Variants in ATAD5 observed in about 807,000 individuals in gnomAD.
ATAD5 encodes the protein ATPase family AAA domain containing 5, also known as ATPase family AAA domain-containing protein 5.
A neutral mutation model predicts 176.9 loss-of-function variants in ATAD5; 58 were observed. The observed-to-expected ratio is 0.33, with a 90% CI of 0.27 to 0.41. ATAD5 has a LOEUF of 0.41. Among genes scored for constraint, ATAD5 ranks in the 10% least tolerant of loss-of-function variants. The pLI is 1.00. For synonymous variants in ATAD5, 640 were observed against 712.6 expected, an observed-to-expected ratio of 0.90 and a Z score of 1.62; for missense variants, 1,789 against 2,094.1, an observed-to-expected ratio of 0.85 and a Z score of 2.84.
At chr17:30,864,556 G>T (rs980064890) in intron 10 of ATAD5, 3 of 152,084 alleles carry the variant, frequency 2.0e-5, no homozygotes, top group African/African-American at 7.3e-5. Flanking sequence ...AAGAGACAGG[G>T]TCACACTATG....
intron 6 of ATAD5, among the ~76,000 whole-genome samples, chr17:30,848,668 T>C (rs1296831596): frequency 6.6e-6 from 1 of 152,162 alleles, no homozygotes; most frequent in Non-Finnish European, 1.5e-5. Flanking sequence ...CTCAGACTTG[T>C]CATGCTCTTT....
chr17:30,885,887 A>G (rs1909298163), intron 18 of ATAD5, among the ~76,000 whole-genome samples: 1 of 151,910 alleles, frequency 6.6e-6, no homozygotes, highest in Non-Finnish European at 1.5e-5. Context: ...AAGTGCTGGG[A>G]TTACATGCGT....
At chr17:30,860,315 C>T in intron 9 of ATAD5, 118 bp from the exon 10 acceptor site, 1 of 1,183,488 alleles carries the variant, frequency 8.4e-7, no homozygotes, top group African/African-American at 1.6e-5. Flanking sequence ...TGAGCCACTG[C>T]ACCTGGATTG....
At chr17:30,872,646 C>T (rs1368198598) in intron 14 of ATAD5, among the ~76,000 whole-genome samples, 2 of 151,448 alleles carry the variant, frequency 1.3e-5, no homozygotes, top group African/African-American at 4.9e-5. Flanking sequence ...AGCTCTGCCT[C>T]CCAGGTTCAA....
chr17:30,840,872 G>T, intron 4 of ATAD5, 91 bp downstream of exon 4: 2 of 1,309,012 alleles, frequency 1.5e-6, no homozygotes, highest in Non-Finnish European at 2.1e-6. Context: ...TATAAGGTAG[G>T]TTTGTGTGAT....
chr17:30,878,716 GTGTTTTTTTTTTTTT>G (rs1908811796), intron 17 of ATAD5, among the ~76,000 whole-genome samples: 2 of 82,658 alleles, frequency 2.4e-5, no homozygotes, highest in Non-Finnish European at 4.9e-5. Flanking sequence ...AAGTTAGGTG[GTGTTTTTTTTTTTTT>G]TTTTTTTTTT....
chr17:30,844,763 A>G (rs1906381617), intron 5 of ATAD5, 72 bp from the exon 6 acceptor site: 1 of 968,336 alleles, frequency 1.0e-6, no homozygotes, highest in Non-Finnish European at 1.5e-6. Context: ...AAAAAAAAAA[A>G]AAAAAAAAAG....
chr17:30,879,368 T>C (rs1908874811), intron 17 of ATAD5, 55 bp from the exon 18 acceptor site: 1 of 1,569,180 alleles, frequency 6.4e-7, no homozygotes, highest in Non-Finnish European at 8.7e-7. Flanking sequence ...AAAAAGTTAT[T>C]TATTGGTCTT....
chr17:30,836,735 T>C (rs908339908), intron 2 of ATAD5, among the ~76,000 whole-genome samples: 3 of 151,638 alleles, frequency 2.0e-5, no homozygotes, highest in Non-Finnish European at 4.4e-5. Context: ...ACCCGGCTGA[T>C]CTTTGTATTT....
chr17:30,860,821 C>T (rs537458116), intron 10 of ATAD5, among the ~76,000 whole-genome samples: 35 of 152,222 alleles, frequency 2.3e-4, no homozygotes, highest in African/African-American at 7.9e-4. Context: ...CTCACTGCAA[C>T]GTCCCTCCAC....
chr17:30,865,798 T>C lies in ATAD5; in HGVS notation c.3231T>C (p.His1077=), dbSNP rs1368067966. Residue 1077 remains histidine, a splice_region_variant and synonymous_variant, in exon 11 of 23, where the codon CAT becomes CAC. Transcript: ENST00000321990. Reference sequence around the variant, plus strand: ...ATGAGTTAGCTATAAAAAAGTTACATAGGTTGGTAAAATGTGTAAGGAATT... The same window carrying C: ...ATGAGTTAGCTATAAAAAAGTTACACAGGTTGGTAAAATGTGTAAGGAATT... ...IGNELAIKKL[H]SWLKDWKRRA... 1 of 1,551,866 alleles carries C rather than the reference T, an allele frequency of 6.4e-7. No individual in the cohort carries two copies. Among genetic ancestry groups the C allele is most frequent in the East Asian group, 2.3e-5 (1 of 42,606 alleles).
chr17:30,850,821 ATTTATATATT>A (rs1481576930), intron 6 of ATAD5, among the ~76,000 whole-genome samples: 6 of 67,530 alleles, frequency 8.9e-5, no homozygotes, highest in East Asian at 8.5e-4. Context: ...TATTATTTAT[ATTTATATATT>A]TTTATATATA....
chr17:30,849,026 A>G (rs1358045494), intron 6 of ATAD5, among the ~76,000 whole-genome samples: 1 of 152,116 alleles, frequency 6.6e-6, no homozygotes, highest in East Asian at 1.9e-4. Flanking sequence ...CTACGCCACC[A>G]TGCTCGGCTA....
In ATAD5 at chr17:30,874,607, C is replaced by CTATTTATTTATTTATT. The variant is rs200064158; in HGVS notation, c.3608-1741_3608-1726dup. 9.7e-3 allele frequency among the ~76,000 whole-genome samples: 1,289 copies of CTATTTATTTATTTATT among 133,218 alleles called. 16 individuals carry two copies. Among genetic ancestry groups the CTATTTATTTATTTATT allele is most frequent in the African/African-American group, 0.029 (1,022 of 34,764 alleles). The allele number at this position is 133,218 out of a possible 152,430, so 87.4% of individuals were successfully genotyped here. On this transcript the variant is annotated intron_variant, in intron 14 of 22. Coordinates refer to ENST00000321990, the MANE Select transcript of ATAD5 (RefSeq NM_024857.5). Reference sequence around the variant, plus strand: ...TTTTTATAAATTGATATCTGTTCAACTATTTATTTATTTATTTATTTATTT... The same window carrying CTATTTATTTATTTATT: ...TTTTTATAAATTGATATCTGTTCAACTATTTATTTATTTATTTATTTATTTATTTATTTATTTATTT...
chr17:30,881,602 C>G (rs963377862), intron 18 of ATAD5, among the ~76,000 whole-genome samples: 5 of 152,010 alleles, frequency 3.3e-5, no homozygotes, highest in African/African-American at 1.2e-4. Context: ...CGCGCCCGAC[C>G]CTGTTCTTAC....
chr17:30,860,454 A>G lies in ATAD5; in HGVS notation c.2978A>G (p.His993Arg). 1.3e-6 allele frequency: 2 copies of G among 1,594,850 alleles called. No individual in the cohort carries two copies. The highest frequency in any genetic ancestry group is 1.7e-6 in the Non-Finnish European group (2 of 1,175,886). ...SKQELEADVS[H>R]KETKRKLVEA... is the part of the protein sequence containing the mutation. ...GCAGAACTGGAGGCTGATGTCAGCC[A>G]TAAAGAAACCAAAAGGAAACTCGTA... The change falls in exon 10 of 23, where the codon CAT becomes CGT. Residue 993 changes from histidine (H) to arginine (R), a missense_variant. Transcript: ENST00000321990.
intron 18 of ATAD5, among the ~76,000 whole-genome samples, chr17:30,885,649 G>GTTTTTTTTTTTTTTTTTTTTTTTTTTTTT (rs1567699161): frequency 7.9e-6 from 1 of 126,962 alleles, no homozygotes. Context: ...TTTTTTTTTG[G>GTTTTTTTTTTTTTTTTTTTTTTTTTTTTT]TTGAGATGGA....
At chr17:30,892,902 T>C (rs1909714991) in intron 20 of ATAD5, 114 bp downstream of exon 20, 2 of 953,936 alleles carry the variant, frequency 2.1e-6, no homozygotes, top group Admixed American at 5.8e-5. Flanking sequence ...ATAATTTGTA[T>C]AAGCCTTAGG....
chr17:30,876,164 T>TA (rs1335865620), intron 14 of ATAD5, among the ~76,000 whole-genome samples: 3 of 151,740 alleles, frequency 2.0e-5, no homozygotes, highest in Admixed American at 6.6e-5. Flanking sequence ...TAAAATAAAA[T>TA]AAATAAATGA....
Sources: gnomAD v4.1 joint callset for allele counts (sites outside exome capture counted in the v4.1 genomes callset) on GRCh38, gnomAD v4.1.1 for gene constraint, MANE v1.5 for transcripts, NCBI Gene and HGNC (gene_info 2026-07-23, HGNC 2026-07-21) for gene names.